PSMB7: variants seen among roughly 807,000 people sequenced by gnomAD.
PSMB7 encodes the protein proteasome 20S subunit beta 7.
Under a neutral mutation model 28.1 loss-of-function variants are expected in PSMB7, and 5 were observed. The ratio of observed to expected loss-of-function variants is 0.18; its 90% confidence interval spans 0.09 to 0.37. PSMB7 has a LOEUF of 0.37. Among genes scored for constraint, PSMB7 ranks in the 10% least tolerant of loss-of-function variants. The probability of loss-of-function intolerance (pLI) is 1.00; values close to 1 mark genes in which losing one functional copy is unlikely to be tolerated. For synonymous variants in PSMB7, 122 were observed against 123.7 expected (o/e 0.99, Z 0.09); for missense variants, 275 against 346.2 (o/e 0.79, Z 1.63).
chr9:124,359,718 G>A (rs1830449399), intron 6 of PSMB7, among the ~76,000 whole-genome samples: 1 of 152,176 alleles, frequency 6.6e-6, no homozygotes, highest in Non-Finnish European at 1.5e-5. Flanking sequence ...GAGGAGGATG[G>A]TGTTTGCCGG....
rs369657327 is a variant in PSMB7, at chr9:124,388,462, C to T, written c.512-3806G>A. Among the ~76,000 whole-genome samples the T allele has an allele frequency of 2.2e-4, 34 of 152,334 alleles. No homozygotes were observed. The East Asian group carries it at 2.5e-3, about 11-fold the overall frequency. On this transcript the variant is annotated intron_variant, in intron 5 of 7. Transcript: ENST00000259457. Reference sequence around the variant, plus strand: ...GAACAAGGGCCTTCTGCTAAGCACCCGCCAGGTGCCATGCGGCCTATTTTA... The same window carrying T: ...GAACAAGGGCCTTCTGCTAAGCACCTGCCAGGTGCCATGCGGCCTATTTTA...
At chr9:124,400,746 G>C (rs1275126936) in intron 5 of PSMB7, among the ~76,000 whole-genome samples, 3 of 58,690 alleles carry the variant, frequency 5.1e-5, no homozygotes, top group African/African-American at 6.7e-5. Flanking sequence ...GCTTGCAACA[G>C]AGAATTCTGG....
intron 5 of PSMB7, among the ~76,000 whole-genome samples, chr9:124,387,793 A>T (rs1455761413): frequency 6.6e-6 from 1 of 152,130 alleles, no homozygotes; most frequent in Non-Finnish European, 1.5e-5. Context: ...AACTGGGGTG[A>T]GAATTTCAAA....
Position 124,381,451 on chromosome 9 carries a change from G to A in PSMB7, c.570+3147C>T, listed in dbSNP as rs111262625. Among the ~76,000 whole-genome samples, 438 of 152,256 alleles carry A rather than the reference G, an allele frequency of 2.9e-3. 1 individual carries two copies. The highest frequency in any genetic ancestry group is 0.01 in the African/African-American group (426 of 41,532). On this transcript the variant is annotated intron_variant, in intron 6 of 7. Coordinates refer to ENST00000259457, the MANE Select transcript of PSMB7 (RefSeq NM_002799.4). ...TGAGTGAGTGGCAGTTACTGTCCTG[G>A]CAACCCATTCGAGGTGTGAAAGGCA...
At chr9:124,396,343 A>G (rs576235913) in intron 5 of PSMB7, among the ~76,000 whole-genome samples, 17 of 152,214 alleles carry the variant, frequency 1.1e-4, no homozygotes, top group African/African-American at 4.1e-4. Flanking sequence ...AAAAATACAG[A>G]AAAGGCTGTA....
At chr9:124,353,758 C>A in intron 7 of PSMB7, 49 bp from the exon 8 acceptor site, 1 of 1,358,724 alleles carries the variant, frequency 7.4e-7, no homozygotes, top group South Asian at 1.2e-5. Flanking sequence ...CCTCAAGGTG[C>A]CAGAGGGCAG....
At chr9:124,412,045 A>G (rs1831032550) in intron 4 of PSMB7, among the ~76,000 whole-genome samples, 1 of 152,134 alleles carries the variant, frequency 6.6e-6, no homozygotes, top group South Asian at 2.1e-4. Context: ...AGACAACTTG[A>G]TAGTTCCTCC....
Position 124,380,526 on chromosome 9 carries a change from G to A in PSMB7, c.570+4072C>T, listed in dbSNP as rs192169630. Among the ~76,000 whole-genome samples, 13 of 152,252 alleles carry A rather than the reference G, an allele frequency of 8.5e-5. No individual in the cohort carries two copies. In the East Asian group the frequency reaches 2.3e-3, roughly 27 times the overall value. The stretch of plus-strand genomic sequence containing the variant: ...ACTGCACTCCAGCCTGGGCAACAGA[G>A]CAAGATCCTGTCTTAAAAAGAGAAA... On this transcript the variant is annotated intron_variant, in intron 6 of 7. Transcript: ENST00000259457.
intron 5 of PSMB7, among the ~76,000 whole-genome samples, chr9:124,387,889 T>TA (rs758533851): frequency 1.6e-3 from 223 of 140,594 alleles, no homozygotes; most frequent in African/African-American, 2.6e-3. Flanking sequence ...GTTGGCCATT[T>TA]AAAAAAAAAA....
chr9:124,396,785 A>C, intron 5 of PSMB7: 1 of 471,328 alleles, frequency 2.1e-6, no homozygotes, highest in Non-Finnish European at 4.4e-6. Flanking sequence ...CTGCCAAGCT[A>C]ATAGCAAAAG....
chr9:124,398,411 GC>G, intron 5 of PSMB7: 1 of 309,536 alleles, frequency 3.2e-6, no homozygotes, highest in South Asian at 2.8e-5. Context: ...CAGAGACAAA[GC>G]CCAGGCGAGT....
intron 5 of PSMB7, among the ~76,000 whole-genome samples, chr9:124,389,661 C>T (rs796622940): frequency 4.6e-5 from 7 of 152,268 alleles, no homozygotes; most frequent in African/African-American, 1.7e-4. Context: ...GGGCACTCCC[C>T]CATCCACTGC....
At chr9:124,393,844 T>C (rs1180924963) in intron 5 of PSMB7, among the ~76,000 whole-genome samples, 1 of 152,234 alleles carries the variant, frequency 6.6e-6, no homozygotes, top group Non-Finnish European at 1.5e-5. Flanking sequence ...AGAACATTTT[T>C]TCCTTAAAAC....
intron 5 of PSMB7, among the ~76,000 whole-genome samples, chr9:124,395,898 G>T (rs541902675): frequency 1.3e-5 from 2 of 152,296 alleles, no homozygotes; most frequent in African/African-American, 2.4e-5. Flanking sequence ...CTGGAATAGG[G>T]TCTCCTACAC....
In PSMB7 at chr9:124,356,339, C is replaced by T. The variant is rs567080779; in HGVS notation, c.722+425G>A. On this transcript the variant is annotated intron_variant, in intron 7 of 7. Coordinates refer to ENST00000259457, the MANE Select transcript of PSMB7 (RefSeq NM_002799.4). The surrounding 1 kb of genome is among the most constrained non-coding windows in gnomAD (Gnocchi z 4.4). Reference sequence around the variant, plus strand: ...GCACACACACACTAGCTCCCAAGGCCACCTCTGGGAGGCTGTTAGCATTGC... The same window carrying T: ...GCACACACACACTAGCTCCCAAGGCTACCTCTGGGAGGCTGTTAGCATTGC... Among the ~76,000 whole-genome samples, 1 of 152,328 alleles carries T rather than the reference C, an allele frequency of 6.6e-6. No individual in the cohort carries two copies. The highest frequency in any genetic ancestry group is 1.9e-4 in the East Asian group (1 of 5,190).
At chr9:124,413,831 A>G (rs1446973356) in intron 3 of PSMB7, 77 bp downstream of exon 3, 6 of 976,238 alleles carry the variant, frequency 6.1e-6, no homozygotes, top group African/African-American at 4.9e-5. Context: ...AGGTTTTAGT[A>G]AGGAGCACAG....
rs1012336435 is a variant in PSMB7 at position 124,395,727 on chromosome 9, T to C, written c.511+9590A>G. Among the ~76,000 whole-genome samples the C allele has an allele frequency of 3.3e-5, 5 of 152,092 alleles. No homozygotes were observed. In the South Asian group the frequency reaches 6.2e-4, roughly 19 times the overall value. On this transcript the variant is annotated intron_variant, in intron 5 of 7. Transcript: ENST00000259457. ...AAAAAAAGTAGCTTCATTTTAGAAATAGGGGTTATGAGGTTCCAGAGGTTA... is the reference window on the plus strand; with the variant it reads ...AAAAAAAGTAGCTTCATTTTAGAAACAGGGGTTATGAGGTTCCAGAGGTTA...
At chr9:124,394,012 G>T (rs1830817969) in intron 5 of PSMB7, among the ~76,000 whole-genome samples, 1 of 152,184 alleles carries the variant, frequency 6.6e-6, no homozygotes, top group Non-Finnish European at 1.5e-5. Context: ...AGGAACGCAG[G>T]GCAGTGGGAG....
intron 6 of PSMB7, among the ~76,000 whole-genome samples, chr9:124,366,761 C>G (rs752301007): frequency 6.6e-6 from 1 of 152,214 alleles, no homozygotes; most frequent in Non-Finnish European, 1.5e-5. Context: ...ATTTACAGTA[C>G]CTTTTCTCCA....
Sources: allele counts gnomAD v4.1 joint callset (sites outside exome capture counted in the v4.1 genomes callset), GRCh38; gene constraint gnomAD v4.1.1; non-coding constraint Gnocchi (gnomAD v3.1); transcripts MANE v1.5; gene names NCBI Gene and HGNC (gene_info 2026-07-23, HGNC 2026-07-21).